The following POLK variants were observed in gnomAD, a reference collection of about 807,000 sequenced individuals.
The protein encoded by POLK is polymerase (DNA directed) kappa.
POLK carries 76 observed loss-of-function variants against 94.0 expected under a neutral mutation model. The observed-to-expected ratio is 0.81, with a 90% confidence interval of 0.67 to 0.98. The LOEUF (loss-of-function observed/expected upper bound fraction) is 0.98. Ranked by LOEUF, POLK falls within the 50% of genes least tolerant of loss-of-function variation. The pLI is 0.00. For synonymous variants in POLK, 349 were observed against 325.4 expected, an observed-to-expected ratio of 1.07 and a Z score of -0.78; for missense variants, 954 against 1,010.1, an observed-to-expected ratio of 0.94 and a Z score of 0.75.
intron 1 of POLK, among the ~76,000 whole-genome samples, chr5:75,545,439 A>G (rs567716307): frequency 6.6e-6 from 1 of 152,314 alleles, no homozygotes; most frequent in East Asian, 1.9e-4. Flanking sequence ...TCAAATCCCA[A>G]TTCTTCCACT....
At chr5:75,563,685 A>G (rs1771113291) in intron 3 of POLK, among the ~76,000 whole-genome samples, 1 of 152,174 alleles carries the variant, frequency 6.6e-6, no homozygotes, top group Non-Finnish European at 1.5e-5. Context: ...CAGGTTGTTC[A>G]GTTTCCACGT....
At chr5:75,554,069 C>T (rs551038367) in intron 3 of POLK, among the ~76,000 whole-genome samples, 1 of 152,270 alleles carries the variant, frequency 6.6e-6, no homozygotes, top group Admixed American at 6.5e-5. Context: ...AAGGCAAGTA[C>T]AGTAATTTGC....
intron 9 of POLK, among the ~76,000 whole-genome samples, chr5:75,585,133 C>T (rs1011441468): frequency 6.6e-6 from 1 of 152,124 alleles, no homozygotes; most frequent in Non-Finnish European, 1.5e-5. Context: ...GTTGTGGTGT[C>T]AGCAGTTGTG....
In POLK at chr5:75,573,868, A is replaced by G. The variant is rs370178441; in HGVS notation, c.539A>G (p.Glu180Gly). The G allele has an allele frequency of 6.5e-5, 105 of 1,613,036 alleles. No homozygotes were observed. The highest frequency in any genetic ancestry group is 8.8e-5 in the Non-Finnish European group (104 of 1,179,340). Reference sequence around the variant, plus strand: ...GACAAATACCGAGCTGTGAGTAAAGAGGTAAGTTAATGTCTCACCCCTACT... The same window carrying G: ...GACAAATACCGAGCTGTGAGTAAAGGGGTAAGTTAATGTCTCACCCCTACT... The change falls in exon 5 of 15, where the codon GAG (glutamate) becomes GGG (glycine). Residue 180 changes from glutamate to glycine, a missense_variant and splice_region_variant. Glu to Gly is a moderately conservative substitution (Grantham distance 98). Coordinates refer to ENST00000241436, the Ensembl canonical transcript of POLK.
chr5:75,576,566 G>A (rs796342677), intron 5 of POLK, among the ~76,000 whole-genome samples: 7 of 152,112 alleles, frequency 4.6e-5, no homozygotes, highest in African/African-American at 1.7e-4. Flanking sequence ...CTATTTTATG[G>A]TCTTCTGCCT....
intron 1 of POLK, among the ~76,000 whole-genome samples, chr5:75,519,253 T>C (rs1013864605): frequency 6.6e-6 from 1 of 152,226 alleles, no homozygotes; most frequent in Non-Finnish European, 1.5e-5. Flanking sequence ...ACAAAAGATA[T>C]GTGATATGAT....
chr5:75,596,809 A>G (rs1773112737), exon 13 of POLK: 3 of 1,609,786 alleles, frequency 1.9e-6, no homozygotes, highest in Non-Finnish European at 2.5e-6. Flanking sequence ...TTTAGTAGAT[A>G]CTATAGATAA....
intron 1 of POLK, among the ~76,000 whole-genome samples, chr5:75,533,104 C>T (rs898526180): frequency 6.6e-6 from 1 of 152,102 alleles, no homozygotes; most frequent in Non-Finnish European, 1.5e-5. Flanking sequence ...TCCCACTTGT[C>T]AGTTTTTGTT....
chr5:75,598,056 A>G (rs922920633), exon 15 of POLK: 1 of 807,378 alleles, frequency 1.2e-6, no homozygotes, highest in East Asian at 3.0e-5. Flanking sequence ...AATTGAAACT[A>G]GTTATTTTAT....
chr5:75,563,407 T>C (rs976251101), intron 3 of POLK, among the ~76,000 whole-genome samples: 1 of 152,210 alleles, frequency 6.6e-6, no homozygotes, highest in Non-Finnish European at 1.5e-5. Context: ...TCAGTTTTGC[T>C]CTGATCTCAG....
At chr5:75,550,701 A>T (rs1269687128) in intron 2 of POLK, among the ~76,000 whole-genome samples, 3 of 152,204 alleles carry the variant, frequency 2.0e-5, no homozygotes, top group African/African-American at 7.2e-5. Context: ...ATTTGATAAA[A>T]TCCCACCACT....
intron 11 of POLK, among the ~76,000 whole-genome samples, chr5:75,590,708 A>C: frequency 6.6e-6 from 1 of 152,214 alleles, no homozygotes; most frequent in Non-Finnish European, 1.5e-5. Context: ...GTACCTCAGG[A>C]GTACATTTGA....
chr5:75,560,086 C>T (rs1770888571), intron 3 of POLK, among the ~76,000 whole-genome samples: 1 of 152,146 alleles, frequency 6.6e-6, no homozygotes, highest in African/African-American at 2.4e-5. Context: ...CAAAAACAGA[C>T]TTCAGAGTAA....
At chr5:75,575,720 A>G (rs964422806) in intron 5 of POLK, among the ~76,000 whole-genome samples, 1 of 152,190 alleles carries the variant, frequency 6.6e-6, no homozygotes, top group Non-Finnish European at 1.5e-5. Context: ...AAGCTAATTA[A>G]GGCACTCTCT....
intron 5 of POLK, among the ~76,000 whole-genome samples, chr5:75,574,732 T>G (rs997505497): frequency 2.0e-5 from 3 of 152,170 alleles, no homozygotes; most frequent in African/African-American, 4.8e-5. Flanking sequence ...TTGTTTGTTT[T>G]TTTTCTGTCC....
At chr5:75,544,696 G>T (rs2112624812) in intron 1 of POLK, among the ~76,000 whole-genome samples, 1 of 152,274 alleles carries the variant, frequency 6.6e-6, no homozygotes, top group African/African-American at 2.4e-5. Context: ...GACAAACCCA[G>T]AAATATATGG....
At chr5:75,527,990 G>T (rs1178800634) in intron 1 of POLK, among the ~76,000 whole-genome samples, 2 of 152,070 alleles carry the variant, frequency 1.3e-5, no homozygotes, top group Non-Finnish European at 2.9e-5. Flanking sequence ...TTAGAATATT[G>T]GTACTCTCAG....
intron 3 of POLK, among the ~76,000 whole-genome samples, chr5:75,560,628 C>G (rs1163855585): frequency 1.3e-5 from 2 of 152,300 alleles, no homozygotes; most frequent in East Asian, 3.9e-4. Context: ...ATCAACCCAT[C>G]ATCTACATTA....
At chr5:75,572,996 A>G (rs370860726) in intron 4 of POLK, among the ~76,000 whole-genome samples, 1 of 152,228 alleles carries the variant, frequency 6.6e-6, no homozygotes, top group Non-Finnish European at 1.5e-5. Context: ...CATTTGACCC[A>G]GCCATCCCAT....
Sources: allele counts gnomAD v4.1 joint callset (sites outside exome capture counted in the v4.1 genomes callset), GRCh38; gene constraint gnomAD v4.1.1; transcripts MANE v1.5; gene names NCBI Gene and HGNC (gene_info 2026-07-23, HGNC 2026-07-21).